Variants in TYW1B observed in about 807,000 individuals in gnomAD.
TYW1B encodes S-adenosyl-L-methionine-dependent tRNA 4-demethylwyosine synthase TYW1B.
TYW1B carries 73 observed loss-of-function variants against 86.9 expected under a neutral mutation model. That is an observed-to-expected ratio of 0.84 (90% CI 0.70 to 1.02). The LOEUF is 1.02. Among genes scored for constraint, TYW1B ranks in the 50% least tolerant of loss-of-function variants. The probability of loss-of-function intolerance (pLI) is 0.00; values close to 1 mark genes in which losing one functional copy is unlikely to be tolerated. For synonymous variants in TYW1B, 248 were observed against 292.8 expected, an observed-to-expected ratio of 0.85 and a Z score of 1.56; for missense variants, 637 against 827.4, an observed-to-expected ratio of 0.77 and a Z score of 2.82.
At chr7:72,675,136 C>T (rs1444475956) in intron 11 of TYW1B, among the ~76,000 whole-genome samples, 1 of 152,028 alleles carries the variant, frequency 6.6e-6, no homozygotes, top group Non-Finnish European at 1.5e-5. Context: ...CGGTGGCTCA[C>T]ACCTGTAATC....
intron 6 of TYW1B, among the ~76,000 whole-genome samples, chr7:72,802,058 C>CTCATCAGCTA (rs1788411499): frequency 2.0e-5 from 3 of 148,448 alleles, no homozygotes; most frequent in Non-Finnish European, 4.4e-5. Flanking sequence ...TTTTTTTTAG[C>CTCATCAGCTA]TCATCAGCTA....
intron 3 of TYW1B, among the ~76,000 whole-genome samples, chr7:72,812,297 G>C (rs782443574): frequency 3.3e-5 from 5 of 151,974 alleles, no homozygotes; most frequent in African/African-American, 1.2e-4. Context: ...ACAAAGTTTC[G>C]ACTGCGTTTT....
intron 10 of TYW1B, among the ~76,000 whole-genome samples, chr7:72,699,429 G>A (rs1156923074): frequency 6.6e-6 from 1 of 152,146 alleles, no homozygotes; most frequent in African/African-American, 2.4e-5. Flanking sequence ...TGAAAGTCAC[G>A]TGGCTCCAGT....
chr7:72,696,340 A>G (rs1351322336), intron 10 of TYW1B, among the ~76,000 whole-genome samples: 3 of 152,090 alleles, frequency 2.0e-5, no homozygotes, highest in Non-Finnish European at 4.4e-5. Flanking sequence ...AGAAAAAACA[A>G]ATTCCCCCTT....
chr7:72,793,663 G>A (rs550300416), intron 6 of TYW1B, among the ~76,000 whole-genome samples: 2 of 151,372 alleles, frequency 1.3e-5, no homozygotes, highest in South Asian at 4.2e-4. Flanking sequence ...GGCTGAGGCA[G>A]AGAATTGCTT....
chr7:72,579,607 C>T (rs560308933), intron 13 of TYW1B, among the ~76,000 whole-genome samples: 24 of 152,240 alleles, frequency 1.6e-4, no homozygotes, highest in East Asian at 3.9e-4. Context: ...TACATGTACA[C>T]GGAAAGTGAG....
chr7:72,604,648 T>C (rs1554434455), intron 13 of TYW1B, among the ~76,000 whole-genome samples: 1 of 152,074 alleles, frequency 6.6e-6, no homozygotes, highest in Non-Finnish European at 1.5e-5. Flanking sequence ...TCAAAGCTTG[T>C]TGGATTCTCA....
chr7:72,804,653 C>G (rs1298889605), intron 5 of TYW1B, among the ~76,000 whole-genome samples: 1 of 152,150 alleles, frequency 6.6e-6, no homozygotes, highest in African/African-American at 2.4e-5. Flanking sequence ...GCCTGGGCAA[C>G]ACAGTGGGAC....
chr7:72,579,688 T>C (rs1396114786), intron 13 of TYW1B, among the ~76,000 whole-genome samples: 6 of 152,180 alleles, frequency 3.9e-5, no homozygotes, highest in Non-Finnish European at 1.5e-5. Flanking sequence ...TCTCACTCTG[T>C]CACCCAGGCT....
intron 11 of TYW1B, among the ~76,000 whole-genome samples, chr7:72,680,179 G>A (rs1306309795): frequency 9.2e-5 from 14 of 152,078 alleles, no homozygotes; most frequent in Non-Finnish European, 1.9e-4. Flanking sequence ...GCAAAGTATT[G>A]CTCCTGGGTG....
intron 13 of TYW1B, among the ~76,000 whole-genome samples, chr7:72,591,782 T>G (rs1281091614): frequency 2.6e-5 from 4 of 152,114 alleles, no homozygotes; most frequent in Non-Finnish European, 5.9e-5. Flanking sequence ...ATAAAATTGA[T>G]TGTTATAGCT....
chr7:72,768,946 T>A, intron 7 of TYW1B: 1 of 362,608 alleles, frequency 2.8e-6, no homozygotes, highest in Non-Finnish European at 5.4e-6. Context: ...CCATTAACAC[T>A]TCTAATACTT....
chr7:72,741,503 A>G (rs1467304966), intron 8 of TYW1B, among the ~76,000 whole-genome samples: 28 of 152,188 alleles, frequency 1.8e-4, no homozygotes, highest in African/African-American at 9.6e-5. Flanking sequence ...GGGGGACACC[A>G]TCAAGCATAC....
At chr7:72,683,615 C>T (rs1813933341) in intron 11 of TYW1B, among the ~76,000 whole-genome samples, 1 of 152,118 alleles carries the variant, frequency 6.6e-6, no homozygotes, top group Non-Finnish European at 1.5e-5. Context: ...AATCATAAGA[C>T]TACAGAATGC....
intron 8 of TYW1B, among the ~76,000 whole-genome samples, chr7:72,735,571 A>T (rs1359002443): frequency 4.0e-4 from 5 of 12,512 alleles, no homozygotes; most frequent in Non-Finnish European, 7.5e-4. Context: ...CTCTGCCTTA[A>T]AAAAAAAAAA....
At chr7:72,586,710 A>G (rs188085150) in intron 13 of TYW1B, among the ~76,000 whole-genome samples, 10 of 152,048 alleles carry the variant, frequency 6.6e-5, no homozygotes, top group Non-Finnish European at 1.0e-4. Flanking sequence ...GCATTCCAGC[A>G]TGGGTGACAG....
intron 7 of TYW1B, among the ~76,000 whole-genome samples, chr7:72,768,219 T>G (rs1390709465): frequency 6.6e-6 from 1 of 151,342 alleles, no homozygotes; most frequent in Non-Finnish European, 1.5e-5. Flanking sequence ...ATAGCCTGGA[T>G]GACAGGGCAA....
intron 11 of TYW1B, among the ~76,000 whole-genome samples, chr7:72,662,432 T>G (rs185674202): frequency 7.6e-6 from 1 of 131,088 alleles, no homozygotes; most frequent in African/African-American, 2.7e-5. Flanking sequence ...TATATATAGA[T>G]AGATAGATAG....
At chr7:72,703,193 T>G (rs1814532017) in intron 10 of TYW1B, among the ~76,000 whole-genome samples, 2 of 151,186 alleles carry the variant, frequency 1.3e-5, no homozygotes, top group Admixed American at 6.6e-5. Flanking sequence ...CATGGCTAAT[T>G]TTTTGTATTT....
Sources: gnomAD v4.1 joint callset for allele counts (sites outside exome capture counted in the v4.1 genomes callset) on GRCh38, gnomAD v4.1.1 for gene constraint, MANE v1.5 for transcripts, NCBI Gene and HGNC (gene_info 2026-07-23, HGNC 2026-07-21) for gene names.